SH3RF3: variants seen among roughly 807,000 people sequenced by gnomAD.
SH3RF3 encodes the protein E3 ubiquitin-protein ligase SH3RF3.
Under a neutral mutation model 66.3 loss-of-function variants are expected in SH3RF3, and 29 were observed. That is an observed-to-expected ratio of 0.44 (90% confidence interval 0.33 to 0.60). SH3RF3 has a LOEUF of 0.60. Ranked by LOEUF, SH3RF3 falls within the 20% of genes least tolerant of loss-of-function variation. The pLI is 0.04. For synonymous variants in SH3RF3, 583 were observed against 532.0 expected (o/e 1.10, Z -1.32); for missense variants, 1,194 against 1,190.9 (o/e 1.00, Z -0.04).
chr2:109,449,467 T>G lies in SH3RF3; in HGVS notation c.2126T>G (p.Leu709Arg). 5 of 1,613,830 alleles carry G rather than the reference T, an allele frequency of 3.1e-6. No individual in the cohort carries two copies. Among genetic ancestry groups the G allele is most frequent in the Non-Finnish European group, 4.2e-6 (5 of 1,179,842 alleles). ...AGCCCCACCAACACGGGATGCAAAC[T>G]AGACGAGAAGAAAAGTGAAAAGGTA... ...TSSPTNTGCKLDEKKSEKKEK... is the reference protein window; with the variant it reads ...TSSPTNTGCKRDEKKSEKKEK... Residue 709 changes from leucine (L) to arginine (R), a missense_variant, in exon 8 of 10, where the codon CTA becomes CGA. Physicochemically the swap from Leu to Arg is moderately radical, Grantham distance 102. Transcript: ENST00000309415.
At chr2:109,315,615 A>G (rs1681860130) in intron 1 of SH3RF3, among the ~76,000 whole-genome samples, 1 of 152,254 alleles carries the variant, frequency 6.6e-6, no homozygotes, top group Admixed American at 6.5e-5. Context: ...GTGATGCACA[A>G]GGACGTGTGT....
At chr2:109,360,585 A>C (rs1057410911) in intron 2 of SH3RF3, among the ~76,000 whole-genome samples, 5 of 152,258 alleles carry the variant, frequency 3.3e-5, no homozygotes, top group Non-Finnish European at 7.3e-5. Context: ...CTGAAGTCCA[A>C]AACACTTTTG....
rs147679288 is a variant in SH3RF3, at chr2:109,153,244, G to T, written c.573+23131G>T. ...ATGAGTACATTCATTTCTAATAAAA[G>T]AAATTACATTAATTCTTGAAGGGAA... is the stretch of plus-strand genomic sequence containing the variant. On this transcript the variant is annotated intron_variant, in intron 1 of 9. Transcript: ENST00000309415. Among the ~76,000 whole-genome samples, 4 of 152,288 alleles carry T rather than the reference G, an allele frequency of 2.6e-5. No homozygotes were observed. In the East Asian group the frequency reaches 5.8e-4, roughly 22 times the overall value.
intron 1 of SH3RF3, among the ~76,000 whole-genome samples, chr2:109,253,722 G>A (rs1305898194): frequency 6.6e-6 from 1 of 152,112 alleles, no homozygotes. Context: ...AATAGAACAG[G>A]TGGTTATTAA....
intron 3 of SH3RF3, among the ~76,000 whole-genome samples, chr2:109,382,588 C>T (rs932324229): frequency 3.3e-5 from 5 of 152,200 alleles, no homozygotes; most frequent in Non-Finnish European, 7.3e-5. Flanking sequence ...CACAGAGCAC[C>T]CCAGTCGTCT....
intron 1 of SH3RF3, among the ~76,000 whole-genome samples, chr2:109,216,412 A>G (rs1679101953): frequency 6.6e-6 from 1 of 152,256 alleles, no homozygotes; most frequent in Non-Finnish European, 1.5e-5. Flanking sequence ...GGTGAGATCC[A>G]CTTTGCAGAG....
intron 1 of SH3RF3, among the ~76,000 whole-genome samples, chr2:109,307,124 T>TA (rs1365094482): frequency 6.6e-6 from 1 of 152,174 alleles, no homozygotes; most frequent in African/African-American, 2.4e-5. Context: ...GGCTTGAAAT[T>TA]AAAAAAATAA....
At chr2:109,255,334 A>G (rs1209630030) in intron 1 of SH3RF3, among the ~76,000 whole-genome samples, 1 of 152,112 alleles carries the variant, frequency 6.6e-6, no homozygotes, top group African/African-American at 2.4e-5. Context: ...GAGTAAAGCT[A>G]CTCTAAGAAT....
At chr2:109,472,542 G>A (rs772974382) in intron 8 of SH3RF3, among the ~76,000 whole-genome samples, 15 of 152,192 alleles carry the variant, frequency 9.9e-5, no homozygotes, top group Admixed American at 5.9e-4. Flanking sequence ...CAGAAACCCC[G>A]ATCCAATTGA....
chr2:109,501,703 G>C lies in SH3RF3; in HGVS notation c.*32G>C, dbSNP rs989635880. 34 of 728,360 alleles carry C rather than the reference G, an allele frequency of 4.7e-5. No individual in the cohort carries two copies. The highest frequency in any genetic ancestry group is 1.2e-4 in the South Asian group (8 of 68,586). The allele number at this position is 728,360 out of a possible 1,614,324, so 45.1% of individuals were successfully genotyped here. ...GTGCTCCCTGCACCCAGCTCACAGA[G>C]GGGGAGGCCGCCTGGGAAGCTCCAC... On this transcript the variant is annotated 3_prime_UTR_variant, in exon 10 of 10. Coordinates refer to ENST00000309415, the MANE Select transcript of SH3RF3 (RefSeq NM_001099289.3).
intron 8 of SH3RF3, among the ~76,000 whole-genome samples, chr2:109,465,820 C>T (rs1256857654): frequency 6.6e-6 from 1 of 151,970 alleles, no homozygotes; most frequent in Non-Finnish European, 1.5e-5. Flanking sequence ...TTTAAACAAT[C>T]AGGTCTCATG....
chr2:109,314,087 G>A (rs1350330721), intron 1 of SH3RF3, among the ~76,000 whole-genome samples: 2 of 152,120 alleles, frequency 1.3e-5, no homozygotes, highest in Admixed American at 1.3e-4. Context: ...CGGGGCAAGT[G>A]TGGACTTGGG....
At chr2:109,249,519 T>C (rs1252478644) in intron 1 of SH3RF3, among the ~76,000 whole-genome samples, 2 of 61,938 alleles carry the variant, frequency 3.2e-5, no homozygotes, top group East Asian at 4.5e-4. Flanking sequence ...CATTCTTTCT[T>C]TTTCTTTCTT....
chr2:109,401,127 G>T (rs1676302643), intron 4 of SH3RF3, among the ~76,000 whole-genome samples: 1 of 152,200 alleles, frequency 6.6e-6, no homozygotes, highest in South Asian at 2.1e-4. Flanking sequence ...CTTGACACCG[G>T]GCAGGTTGTC....
chr2:109,265,989 C>A (rs917289199), intron 1 of SH3RF3, among the ~76,000 whole-genome samples: 3 of 152,072 alleles, frequency 2.0e-5, no homozygotes, highest in Non-Finnish European at 4.4e-5. Flanking sequence ...TGCTTATGTG[C>A]GCATGTGTGT....
intron 5 of SH3RF3, among the ~76,000 whole-genome samples, 154 bp downstream of exon 5, chr2:109,419,796 A>G (rs1573236818): frequency 6.6e-6 from 1 of 152,084 alleles, no homozygotes; most frequent in Non-Finnish European, 1.5e-5. Context: ...CTGAAGGGAG[A>G]GTGTGGAAGA....
chr2:109,183,382 C>T (rs1678112962), intron 1 of SH3RF3, among the ~76,000 whole-genome samples: 1 of 152,138 alleles, frequency 6.6e-6, no homozygotes, highest in Non-Finnish European at 1.5e-5. Context: ...GGTGAACTCT[C>T]CCTTGCTGCT....
At chr2:109,390,785 C>T (rs1027856801) in intron 3 of SH3RF3, among the ~76,000 whole-genome samples, 8 of 152,152 alleles carry the variant, frequency 5.3e-5, no homozygotes, top group African/African-American at 1.7e-4. Context: ...CAGGGGCGGT[C>T]GCTTCCCGGG....
At chr2:109,458,601 A>AGAGAGAGAGAGAGAGAGAGAGAGAGT (rs1553524376) in intron 8 of SH3RF3, among the ~76,000 whole-genome samples, 1 of 148,956 alleles carries the variant, frequency 6.7e-6, no homozygotes, top group Non-Finnish European at 1.5e-5. Flanking sequence ...AGAGAGAGAG[A>AGAGAGAGAGAGAGAGAGAGAGAGAGT]ATTTATTTAT....
Sources: allele counts gnomAD v4.1 joint callset (sites outside exome capture counted in the v4.1 genomes callset), GRCh38; gene constraint gnomAD v4.1.1; transcripts MANE v1.5; gene names NCBI Gene and HGNC (gene_info 2026-07-23, HGNC 2026-07-21).